IFT81: variants seen among roughly 807,000 people sequenced by gnomAD.
The protein encoded by IFT81 is intraflagellar transport protein 81 homolog.
Under a neutral mutation model 102.6 loss-of-function variants are expected in IFT81, and 72 were observed. That is an observed-to-expected ratio of 0.70 (90% CI 0.58 to 0.85). The LOEUF (loss-of-function observed/expected upper bound fraction) is 0.85. IFT81 is among the 40% of genes least tolerant of loss of function. The pLI is 0.00. For missense variants in IFT81, 723 were observed against 787.3 expected, an observed-to-expected ratio of 0.92 and a Z score of 0.98; for synonymous variants, 237 against 242.7, an observed-to-expected ratio of 0.98 and a Z score of 0.22.
intron 3 of IFT81, among the ~76,000 whole-genome samples, chr12:110,128,367 C>T (rs1167040288): frequency 6.7e-6 from 1 of 149,954 alleles, no homozygotes; most frequent in African/African-American, 2.5e-5. Context: ...GGTAAATCCA[C>T]TATACCATTT....
At chr12:110,153,846 G>A (rs374250201) in intron 10 of IFT81, among the ~76,000 whole-genome samples, 3 of 148,864 alleles carry the variant, frequency 2.0e-5, no homozygotes, top group Non-Finnish European at 3.0e-5. Flanking sequence ...TTGAACTCCC[G>A]ACCTCAGCTG....
rs143090229 is a variant in IFT81 at position 110,134,023 on chromosome 12, C to T, written c.520-925C>T. ...TATTTTAAGATTTTTTTTTTTGAGA[C>T]GGAGTCTCACTCTGTCACCCAGGGT... is the stretch of plus-strand genomic sequence containing the variant. On this transcript the variant is annotated intron_variant, in intron 5 of 18. Transcript: ENST00000242591. 7.8e-4 allele frequency among the ~76,000 whole-genome samples: 119 copies of T among 151,834 alleles called. No individual in the cohort carries two copies. In the East Asian group the frequency reaches 0.014, roughly 18 times the overall value.
intron 10 of IFT81, among the ~76,000 whole-genome samples, chr12:110,159,634 T>G (rs1896033434): frequency 6.6e-6 from 1 of 152,186 alleles, no homozygotes; most frequent in Non-Finnish European, 1.5e-5. Context: ...GGACCTATAA[T>G]TCCTCTAGAA....
intron 12 of IFT81, among the ~76,000 whole-genome samples, chr12:110,190,616 A>G (rs1400454072): frequency 1.3e-5 from 2 of 152,078 alleles, no homozygotes. Flanking sequence ...TTGAGAATTC[A>G]TTCTTTCATC....
chr12:110,166,912 T>C (rs187348306), intron 11 of IFT81, among the ~76,000 whole-genome samples: 1 of 152,164 alleles, frequency 6.6e-6, no homozygotes, highest in Admixed American at 6.5e-5. Flanking sequence ...GTTATTTGAT[T>C]GATCTTATCT....
chr12:110,211,139 C>T (rs115766135), intron 18 of IFT81, among the ~76,000 whole-genome samples: 3,077 of 149,370 alleles, frequency 0.021, 100 homozygotes, highest in African/African-American at 0.072. Context: ...GGATTACAGG[C>T]ACGAGCCACG....
chr12:110,214,429 C>T (rs1593382510), intron 18 of IFT81, among the ~76,000 whole-genome samples: 4 of 151,880 alleles, frequency 2.6e-5, no homozygotes. Flanking sequence ...TCAAGGCAAA[C>T]AGAACAAACC....
At chr12:110,163,138 T>C (rs542697938) in intron 11 of IFT81, 73 bp downstream of exon 11, 536 of 1,191,080 alleles carry the variant, frequency 4.5e-4, no homozygotes, top group Middle Eastern at 3.6e-3. Flanking sequence ...TGTTTGACTT[T>C]CTTAGTGTGA....
chr12:110,180,747 C>T (rs1290602276), intron 12 of IFT81, among the ~76,000 whole-genome samples, 176 bp downstream of exon 12: 1 of 152,154 alleles, frequency 6.6e-6, no homozygotes, highest in African/African-American at 2.4e-5. Flanking sequence ...TAGCAGTAAG[C>T]ACTGGCTTTT....
At chr12:110,135,229 C>T in intron 6 of IFT81, 98 bp from the exon 7 acceptor site, 1 of 809,736 alleles carries the variant, frequency 1.2e-6, no homozygotes, top group Non-Finnish European at 2.0e-6. Context: ...GTACTGTTTA[C>T]CAAAAGGAAA....
At chr12:110,174,002 G>A (rs1896915110) in intron 11 of IFT81, among the ~76,000 whole-genome samples, 1 of 151,948 alleles carries the variant, frequency 6.6e-6, no homozygotes, top group South Asian at 2.1e-4. Context: ...ATTAGGCCGG[G>A]CACGGTGGCT....
rs201049421 is a variant in IFT81, at chr12:110,179,841, TAA to T, written c.1189-580_1189-579del. 6.9e-3 allele frequency among the ~76,000 whole-genome samples: 915 copies of T among 132,978 alleles called. 4 individuals are homozygous for T. The highest frequency in any genetic ancestry group is 9.7e-3 in the Non-Finnish European group (607 of 62,564). The allele number at this position is 132,978 out of a possible 152,430, so 87.2% of individuals were successfully genotyped here. ...TATACATATATTAAACATATACACA[TAA>T]TATATATATATAATATATGTACATA... On this transcript the variant is annotated intron_variant, in intron 11 of 18. Transcript: ENST00000242591.
At chr12:110,156,345 C>T (rs1046124854) in intron 10 of IFT81, among the ~76,000 whole-genome samples, 2 of 152,162 alleles carry the variant, frequency 1.3e-5, no homozygotes, top group African/African-American at 4.8e-5. Context: ...TCTTATACAG[C>T]TTTGAGTTAC....
intron 14 of IFT81, chr12:110,203,428 C>T (rs1274663755): frequency 1.2e-5 from 2 of 169,908 alleles, no homozygotes; most frequent in African/African-American, 4.8e-5. Flanking sequence ...ACTGTTCTTA[C>T]TAATCCTTCG....
intron 10 of IFT81, among the ~76,000 whole-genome samples, chr12:110,149,459 C>T (rs1895399890): frequency 6.6e-6 from 1 of 152,144 alleles, no homozygotes; most frequent in Admixed American, 6.5e-5. Flanking sequence ...CCATAGGCGG[C>T]TTGTGTTAGT....
intron 17 of IFT81, among the ~76,000 whole-genome samples, chr12:110,208,183 G>A (rs1434991318): frequency 2.6e-5 from 4 of 152,058 alleles, no homozygotes; most frequent in South Asian, 2.1e-4. Flanking sequence ...ATACACACAC[G>A]TATACATACA....
intron 11 of IFT81, among the ~76,000 whole-genome samples, chr12:110,164,652 C>A (rs553699833): frequency 6.6e-6 from 1 of 152,108 alleles, no homozygotes; most frequent in Non-Finnish European, 1.5e-5. Context: ...TTGTACCCTC[C>A]CAATGTGCCT....
intron 12 of IFT81, 117 bp downstream of exon 12, chr12:110,180,688 C>G: frequency 1.5e-6 from 1 of 656,534 alleles, no homozygotes; most frequent in South Asian, 3.9e-5. Context: ...TTACTTTTCT[C>G]TGATTAATTA....
At chr12:110,129,272 A>G (rs1894031348) in intron 4 of IFT81, 142 bp downstream of exon 4, 3 of 586,882 alleles carry the variant, frequency 5.1e-6, no homozygotes. Context: ...CTAATGTTCA[A>G]CTATGGCCAC....
Sources: allele counts gnomAD v4.1 joint callset (sites outside exome capture counted in the v4.1 genomes callset), GRCh38; gene constraint gnomAD v4.1.1; transcripts MANE v1.5; gene names NCBI Gene and HGNC (gene_info 2026-07-23, HGNC 2026-07-21).